PTPRN2: variants seen among roughly 807,000 people sequenced by gnomAD.
PTPRN2 encodes receptor-type tyrosine-protein phosphatase N2.
A neutral mutation model predicts 118.8 loss-of-function variants in PTPRN2; 74 were observed. That is an observed-to-expected ratio of 0.62 (90% CI 0.52 to 0.76). PTPRN2 has a LOEUF of 0.76. Ranked by LOEUF, PTPRN2 falls within the 30% of genes least tolerant of loss-of-function variation. The pLI is 0.00. For synonymous variants in PTPRN2, 641 were observed against 608.0 expected (o/e 1.05, Z -0.80); for missense variants, 1,481 against 1,394.4 (o/e 1.06, Z -0.99).
chr7:158,325,035 G>A (rs548033975), intron 2 of PTPRN2, among the ~76,000 whole-genome samples: 43 of 152,320 alleles, frequency 2.8e-4, no homozygotes, highest in African/African-American at 1.0e-3. Flanking sequence ...GAGATCCACA[G>A]GGGGTCCCCC....
At chr7:158,151,662 C>T (rs1298019447) in intron 6 of PTPRN2, among the ~76,000 whole-genome samples, 1 of 152,076 alleles carries the variant, frequency 6.6e-6, no homozygotes, top group Non-Finnish European at 1.5e-5. Context: ...CCCCCTCCTT[C>T]TTCCCTCTTG....
chr7:158,194,985 A>G (rs547927486), intron 4 of PTPRN2, among the ~76,000 whole-genome samples: 4 of 152,264 alleles, frequency 2.6e-5, no homozygotes, highest in African/African-American at 9.6e-5. Flanking sequence ...TGTTTAATCA[A>G]CTTCTTTAAA....
At chr7:157,662,575 C>T (rs1795944706) in intron 13 of PTPRN2, among the ~76,000 whole-genome samples, 2 of 152,178 alleles carry the variant, frequency 1.3e-5, no homozygotes, top group Admixed American at 1.3e-4. Flanking sequence ...AAGCTTTAGG[C>T]AGGAGAGGCT....
In PTPRN2 at chr7:158,521,589, G is replaced by A. The variant is rs571306399; in HGVS notation, c.113-31804C>T. Among the ~76,000 whole-genome samples, 32 of 129,314 alleles carry A rather than the reference G, an allele frequency of 2.5e-4. 6 individuals are homozygous for A. The highest frequency in any genetic ancestry group is 1.2e-3 in the Admixed American group (15 of 12,752). The allele number at this position is 129,314 out of a possible 152,430, so 84.8% of individuals were successfully genotyped here. A position where few individuals can be genotyped will look rare whatever the true frequency, so the allele number is the denominator to read the frequency against. On this transcript the variant is annotated intron_variant, in intron 1 of 22. Coordinates refer to ENST00000389418, the MANE Select transcript of PTPRN2 (RefSeq NM_002847.5). Reference sequence around the variant, plus strand: ...GTACTGGCTCAGGGGGGAGGTCCACGTCACAATGGTGGACTGTCCAGGTAG... The same window carrying A: ...GTACTGGCTCAGGGGGGAGGTCCACATCACAATGGTGGACTGTCCAGGTAG...
rs908853182 is a variant in PTPRN2, at chr7:157,598,586, A to G, written c.2419-3271T>C. On this transcript the variant is annotated intron_variant, in intron 16 of 22. Transcript: ENST00000389418. The surrounding 1 kb of genome is among the most constrained non-coding windows in gnomAD (Gnocchi z 5.2). ...ATGATGCGGTTTCTAAGTGTCCTTT[A>G]GCTCTGGATTCCAGTGCACGTGCAT... is the stretch of plus-strand genomic sequence containing the variant. Among the ~76,000 whole-genome samples, 7 of 152,184 alleles carry G rather than the reference A, an allele frequency of 4.6e-5. No individual in the cohort carries two copies. In the East Asian group the frequency reaches 1.3e-3, roughly 29 times the overall value.
At chr7:157,916,398 G>C (rs1050826268) in intron 11 of PTPRN2, among the ~76,000 whole-genome samples, 11 of 152,236 alleles carry the variant, frequency 7.2e-5, no homozygotes, top group Non-Finnish European at 1.5e-4. Context: ...CTGGGAAGGA[G>C]AGCCAGGTCT....
At chr7:157,810,016 C>G (rs961613243) in intron 12 of PTPRN2, among the ~76,000 whole-genome samples, 2 of 152,184 alleles carry the variant, frequency 1.3e-5, no homozygotes, top group African/African-American at 4.8e-5. Context: ...CAGGCCGGAG[C>G]TGGAAGCCGG....
chr7:158,562,956 G>T (rs1827474349), intron 1 of PTPRN2, among the ~76,000 whole-genome samples: 1 of 152,226 alleles, frequency 6.6e-6, no homozygotes, highest in African/African-American at 2.4e-5. Flanking sequence ...ATTAGTGCAT[G>T]GCAGAGGCCG....
chr7:158,529,990 C>G lies in PTPRN2; in HGVS notation c.113-40205G>C, dbSNP rs572763847. Among the ~76,000 whole-genome samples the G allele has an allele frequency of 1.4e-4, 22 of 152,288 alleles. No individual in the cohort carries two copies. The highest frequency in any genetic ancestry group is 5.1e-4 in the African/African-American group (21 of 41,560). On this transcript the variant is annotated intron_variant, in intron 1 of 22. Transcript: ENST00000389418. The surrounding 1 kb of genome is among the most constrained non-coding windows in gnomAD (Gnocchi z 4.7). The stretch of plus-strand genomic sequence containing the variant: ...ATGCACGCCACACATGCCATACACA[C>G]CACACGCATGCCACATGCACACCCC...
chr7:158,516,979 T>C (rs1563381828), intron 1 of PTPRN2, among the ~76,000 whole-genome samples: 2 of 152,332 alleles, frequency 1.3e-5, no homozygotes, highest in South Asian at 4.1e-4. Flanking sequence ...TCCTCTCTAG[T>C]AAACCGTAGC....
intron 9 of PTPRN2, among the ~76,000 whole-genome samples, chr7:158,132,281 G>A (rs113419777): frequency 3.5e-5 from 5 of 142,000 alleles, no homozygotes; most frequent in Non-Finnish European, 7.7e-5. Flanking sequence ...ACACACACAC[G>A]CACAAACTGA....
chr7:158,273,110 A>T (rs116954551), intron 3 of PTPRN2, among the ~76,000 whole-genome samples: 7,784 of 145,344 alleles, frequency 0.054, 269 homozygotes, highest in Admixed American at 0.1. Flanking sequence ...TGTGGGACGA[A>T]GGGGAGAGAG....
At chr7:158,085,057 A>T (rs1418279178) in intron 10 of PTPRN2, among the ~76,000 whole-genome samples, 2 of 103,518 alleles carry the variant, frequency 1.9e-5, no homozygotes, top group Non-Finnish European at 3.9e-5. Flanking sequence ...ACCCATCCAC[A>T]CCCATGACGC....
chr7:158,499,082 G>A (rs1211068266), intron 1 of PTPRN2, among the ~76,000 whole-genome samples: 2 of 152,190 alleles, frequency 1.3e-5, no homozygotes, highest in African/African-American at 4.8e-5. Context: ...TAGTTTCTCA[G>A]TCATTGTTAA....
intron 2 of PTPRN2, among the ~76,000 whole-genome samples, chr7:158,486,685 T>C (rs1821054604): frequency 6.6e-6 from 1 of 152,214 alleles, no homozygotes; most frequent in East Asian, 1.9e-4. Context: ...GGAGCTGGCC[T>C]AAAACCCTTA....
chr7:158,163,291 T>C (rs1822535826), intron 6 of PTPRN2, among the ~76,000 whole-genome samples: 1 of 152,104 alleles, frequency 6.6e-6, no homozygotes, highest in Non-Finnish European at 1.5e-5. Context: ...CAATATTCTC[T>C]GTGTGTTTCA....
At chr7:158,260,794 C>T (rs1034086663) in intron 3 of PTPRN2, among the ~76,000 whole-genome samples, 9 of 152,160 alleles carry the variant, frequency 5.9e-5, no homozygotes, top group African/African-American at 1.4e-4. Context: ...CTGGCAGAGA[C>T]GGCTCCTTCC....
At chr7:158,094,297 G>GT (rs1455586099) in intron 10 of PTPRN2, among the ~76,000 whole-genome samples, 10 of 151,798 alleles carry the variant, frequency 6.6e-5, no homozygotes, top group East Asian at 3.9e-4. Context: ...CCCCATCTGT[G>GT]TTTTTTCTGT....
chr7:157,780,463 G>A lies in PTPRN2; in HGVS notation c.1789-97526C>T, dbSNP rs562489717. 1.6e-4 allele frequency among the ~76,000 whole-genome samples: 25 copies of A among 152,338 alleles called. No individual in the cohort carries two copies. Among genetic ancestry groups the A allele is most frequent in the South Asian group, 4.1e-4 (2 of 4,830 alleles). On this transcript the variant is annotated intron_variant, in intron 12 of 22. Coordinates refer to ENST00000389418, the MANE Select transcript of PTPRN2 (RefSeq NM_002847.5). This position sits in a 1 kb window ranked among gnomAD's most constrained non-coding sequence, Gnocchi z 4.5. The stretch of plus-strand genomic sequence containing the variant: ...GGGCCGTGCTGCTGGATCAGATGGC[G>A]GAACACGGCCCAGAGCAACTGAAGT...
Sources: gnomAD v4.1 joint callset for allele counts (sites outside exome capture counted in the v4.1 genomes callset) on GRCh38, gnomAD v4.1.1 for gene constraint, Gnocchi (gnomAD v3.1) non-coding constraint, MANE v1.5 for transcripts, NCBI Gene and HGNC (gene_info 2026-07-23, HGNC 2026-07-21) for gene names.